Variants in M1AP observed in about 807,000 individuals in gnomAD.
M1AP encodes the protein meiosis 1 associated protein.
In M1AP, 39 loss-of-function variants were observed where a neutral mutation model predicts 51.2. That is an observed-to-expected ratio of 0.76 (90% CI 0.59 to 1.00). The LOEUF is 1.00. Ranked by LOEUF, M1AP falls within the 50% of genes least tolerant of loss-of-function variation. M1AP has a pLI of 0.00. For synonymous variants in M1AP, 251 were observed against 249.2 expected (o/e 1.01, Z -0.07); for missense variants, 545 against 641.2 (o/e 0.85, Z 1.62).
At chr2:74,606,991 C>T (rs912613435) in intron 4 of M1AP, 64 bp downstream of exon 4, 1 of 1,435,754 alleles carries the variant, frequency 7.0e-7, no homozygotes, top group Non-Finnish European at 9.7e-7. Flanking sequence ...TGTGCTGCAC[C>T]CATTAACTCA....
chr2:74,639,942 T>C (rs1683194683), intron 2 of M1AP, 94 bp downstream of exon 2: 10 of 1,112,086 alleles, frequency 9.0e-6, no homozygotes, highest in African/African-American at 1.6e-5. Context: ...AGTGCGGTTA[T>C]TGTTATAAGT....
intron 2 of M1AP, chr2:74,615,730 T>C (rs1178438818): frequency 6.5e-6 from 1 of 153,106 alleles, no homozygotes; most frequent in Non-Finnish European, 1.5e-5. Context: ...TTGGTTCTCC[T>C]CATCTACCTT....
chr2:74,619,003 G>T, intron 2 of M1AP: 1 of 525,528 alleles, frequency 1.9e-6, no homozygotes, highest in South Asian at 1.4e-5. Context: ...CTGCCTTCAT[G>T]CATATTTTCA....
chr2:74,621,767 T>C (rs932850262), intron 2 of M1AP, among the ~76,000 whole-genome samples: 2 of 151,578 alleles, frequency 1.3e-5, no homozygotes, highest in Admixed American at 1.3e-4. Flanking sequence ...CACTCCAGCC[T>C]GGGAAACAGA....
intron 4 of M1AP, among the ~76,000 whole-genome samples, chr2:74,598,098 G>T (rs1278417371): frequency 6.6e-6 from 1 of 152,020 alleles, no homozygotes; most frequent in Non-Finnish European, 1.5e-5. Flanking sequence ...AAGTAGTTTT[G>T]TAGCTGGATG....
chr2:74,633,791 C>T (rs1055470307), intron 2 of M1AP, among the ~76,000 whole-genome samples: 17 of 152,240 alleles, frequency 1.1e-4, no homozygotes, highest in Non-Finnish European at 5.9e-5. Flanking sequence ...CCAAAGATCC[C>T]GTCAGGCAGC....
intron 4 of M1AP, among the ~76,000 whole-genome samples, chr2:74,589,477 T>A (rs1283607543): frequency 2.6e-5 from 4 of 152,222 alleles, no homozygotes; most frequent in Non-Finnish European, 4.4e-5. Flanking sequence ...TCTTTCTCTT[T>A]TTCTTTGTAG....
At chr2:74,631,016 CTT>C (rs910511001) in intron 2 of M1AP, among the ~76,000 whole-genome samples, 5 of 149,814 alleles carry the variant, frequency 3.3e-5, no homozygotes, top group South Asian at 2.1e-4. Context: ...TCGTAATTCT[CTT>C]TGTTTGGTTT....
chr2:74,634,543 C>A (rs1004010226), intron 2 of M1AP, among the ~76,000 whole-genome samples: 1 of 152,146 alleles, frequency 6.6e-6, no homozygotes, highest in Admixed American at 6.5e-5. Flanking sequence ...AAGCTGCATG[C>A]CTTTTATTTC....
At chr2:74,606,047 T>C (rs1198917513) in intron 4 of M1AP, among the ~76,000 whole-genome samples, 1 of 152,222 alleles carries the variant, frequency 6.6e-6, no homozygotes, top group African/African-American at 2.4e-5. Context: ...TCTAGGCTTC[T>C]GCCCAGCCGG....
chr2:74,577,581 C>T (rs1679153687), intron 5 of M1AP, among the ~76,000 whole-genome samples: 2 of 152,146 alleles, frequency 1.3e-5, no homozygotes. Flanking sequence ...AATAGAGTGG[C>T]AGAACAGATG....
intron 7 of M1AP, among the ~76,000 whole-genome samples, chr2:74,574,558 A>AT (rs1362519685): frequency 6.6e-6 from 1 of 152,122 alleles, no homozygotes; most frequent in Non-Finnish European, 1.5e-5. Context: ...TCATGTTTCC[A>AT]TTTTTGCTTC....
Position 74,607,036 on chromosome 2 carries a change from C to T in M1AP, c.595+19G>A. 2 of 1,610,278 alleles carry T rather than the reference C, an allele frequency of 1.2e-6. No individual in the cohort carries two copies. The highest frequency in any genetic ancestry group is 1.7e-6 in the Non-Finnish European group (2 of 1,177,408). On this transcript the variant is annotated intron_variant, in intron 4 of 10. Coordinates refer to ENST00000421985, the MANE Select transcript of M1AP (RefSeq NM_001321739.2). ...TTAAAATTCTTACAATTCTTTTTAC[C>T]TTGTTAAAAAATTCTTACCATCATT...
chr2:74,625,123 T>C lies in M1AP; in HGVS notation c.241-9974A>G, dbSNP rs186925330. ...TCACAGAAAATTTTTGCCAATCATA[T>C]AGGTGGAAAGTGACATCTCTGCATA... On this transcript the variant is annotated intron_variant, in intron 2 of 10. Transcript: ENST00000421985. Among the ~76,000 whole-genome samples, 19 of 152,278 alleles carry C rather than the reference T, an allele frequency of 1.2e-4. No individual in the cohort carries two copies. The East Asian group carries it at 2.7e-3, about 22-fold the overall frequency.
chr2:74,589,211 A>C (rs1401732695), intron 4 of M1AP, among the ~76,000 whole-genome samples: 1 of 152,226 alleles, frequency 6.6e-6, no homozygotes, highest in African/African-American at 2.4e-5. Flanking sequence ...TAGAGAGATG[A>C]GCAAGTTCAA....
rs188222021 is a variant in M1AP, at chr2:74,638,822, G to A, written c.240+1214C>T. ...GCCACTTATGAATTCCTAACTCATAGTAACTATGAGATGATGTTTATTAAT... is the reference window on the plus strand; with the variant it reads ...GCCACTTATGAATTCCTAACTCATAATAACTATGAGATGATGTTTATTAAT... On this transcript the variant is annotated intron_variant, in intron 2 of 10. Transcript: ENST00000421985. 9.2e-5 allele frequency among the ~76,000 whole-genome samples: 14 copies of A among 152,332 alleles called. No individual in the cohort carries two copies. The East Asian group carries it at 2.1e-3, about 23-fold the overall frequency.
chr2:74,578,119 T>G (rs542448720), intron 5 of M1AP, among the ~76,000 whole-genome samples: 37 of 152,318 alleles, frequency 2.4e-4, no homozygotes, highest in South Asian at 1.0e-3. Flanking sequence ...CTTGCTCACC[T>G]GCTGCTCACC....
chr2:74,603,910 G>A lies in M1AP; in HGVS notation c.595+3145C>T, dbSNP rs116438447. ...GCACGCGACCAGAAAGAAATCGATGGTATCAGAACAGTGGCCACTTCCATG... is the reference window on the plus strand; with the variant it reads ...GCACGCGACCAGAAAGAAATCGATGATATCAGAACAGTGGCCACTTCCATG... On this transcript the variant is annotated intron_variant, in intron 4 of 10. Coordinates refer to ENST00000421985, the MANE Select transcript of M1AP (RefSeq NM_001321739.2). Among the ~76,000 whole-genome samples, 1,505 of 152,182 alleles carry A rather than the reference G, an allele frequency of 9.9e-3. 28 individuals are homozygous for A. The highest frequency in any genetic ancestry group is 0.034 in the African/African-American group (1,425 of 41,500).
chr2:74,612,719 G>A (rs1185910449), intron 3 of M1AP, among the ~76,000 whole-genome samples: 1 of 151,784 alleles, frequency 6.6e-6, no homozygotes, highest in African/African-American at 2.4e-5. Flanking sequence ...ATTTTCATTT[G>A]ACTCAAGATT....
Sources: allele counts gnomAD v4.1 joint callset (sites outside exome capture counted in the v4.1 genomes callset), GRCh38; gene constraint gnomAD v4.1.1; transcripts MANE v1.5; gene names NCBI Gene and HGNC (gene_info 2026-07-23, HGNC 2026-07-21).